The following ZBTB16 variants were observed in gnomAD, a reference collection of about 807,000 sequenced individuals.
The protein encoded by ZBTB16 is zinc finger and BTB domain-containing protein 16.
In ZBTB16, 8 loss-of-function variants were observed where a neutral mutation model predicts 56.8. That is an observed-to-expected ratio of 0.14 (90% CI 0.08 to 0.25). The LOEUF (loss-of-function observed/expected upper bound fraction) is 0.25, where lower values mean the gene tolerates loss of function less well. Among genes scored for constraint, ZBTB16 ranks in the 10% least tolerant of loss-of-function variants. The probability of loss-of-function intolerance (pLI) is 1.00; values close to 1 mark genes in which losing one functional copy is unlikely to be tolerated. For missense variants in ZBTB16, 625 were observed against 903.0 expected (o/e 0.69, Z 3.95); for synonymous variants, 363 against 368.5 (o/e 0.98, Z 0.17).
chr11:114,097,072 T>C (rs1304699908), intron 2 of ZBTB16, among the ~76,000 whole-genome samples: 1 of 152,144 alleles, frequency 6.6e-6, no homozygotes, highest in Admixed American at 6.5e-5. Flanking sequence ...CATGGATAAA[T>C]TGACAAAATG....
intron 2 of ZBTB16, among the ~76,000 whole-genome samples, chr11:114,067,945 A>C (rs1387605553): frequency 6.7e-6 from 1 of 149,220 alleles, no homozygotes; most frequent in Non-Finnish European, 1.5e-5. Flanking sequence ...TTAATGTGCT[A>C]TTCCCTTTTT....
chr11:114,089,880 G>A (rs1229830685), intron 2 of ZBTB16, among the ~76,000 whole-genome samples: 1 of 152,210 alleles, frequency 6.6e-6, no homozygotes, highest in Non-Finnish European at 1.5e-5. Context: ...AGGTTTTATA[G>A]GCATCCAGAT....
intron 6 of ZBTB16, among the ~76,000 whole-genome samples, chr11:114,249,057 C>T (rs186171336): frequency 3.9e-5 from 6 of 152,230 alleles, no homozygotes; most frequent in African/African-American, 7.2e-5. Flanking sequence ...GGGTATAGAA[C>T]GCTAGGGTGT....
Position 114,098,960 on chromosome 11 carries a change from A to G in ZBTB16, c.1268+34392A>G, listed in dbSNP as rs544786500. ...AGCTTCTATGGCACTGCCGAATTCT[A>G]CAGTAAATATTTCGGACATCCTCAG... On this transcript the variant is annotated intron_variant, in intron 2 of 6. Transcript: ENST00000335953. Among the ~76,000 whole-genome samples, 426 of 152,324 alleles carry G rather than the reference A, an allele frequency of 2.8e-3. 1 individual carries two copies. Among genetic ancestry groups the G allele is most frequent in the African/African-American group, 9.8e-3 (409 of 41,574 alleles).
chr11:114,202,794 G>A (rs1943765245), intron 4 of ZBTB16, among the ~76,000 whole-genome samples: 1 of 152,194 alleles, frequency 6.6e-6, no homozygotes, highest in Admixed American at 6.5e-5. Flanking sequence ...AAGTGTGTGT[G>A]TGAGATTGGA....
At chr11:114,227,487 C>T (rs1944352944) in intron 4 of ZBTB16, among the ~76,000 whole-genome samples, 1 of 152,246 alleles carries the variant, frequency 6.6e-6, no homozygotes, top group Non-Finnish European at 1.5e-5. Flanking sequence ...GTCCTTCTCT[C>T]CATCCAATAA....
chr11:114,139,626 C>CGTGTGTGTGT (rs750514241), intron 2 of ZBTB16, among the ~76,000 whole-genome samples: 5,927 of 138,534 alleles, frequency 0.043, 221 homozygotes, highest in African/African-American at 0.082. Flanking sequence ...CCGCGGTCCA[C>CGTGTGTGTGT]GTGTGTGTGT....
intron 4 of ZBTB16, chr11:114,189,804 G>A (rs566697541): frequency 4.6e-5 from 7 of 151,332 alleles, no homozygotes; most frequent in African/African-American, 1.7e-4. Context: ...ATTATCATAC[G>A]ATGCAGCAGT....
intron 2 of ZBTB16, among the ~76,000 whole-genome samples, chr11:114,105,304 G>A (rs947747373): frequency 6.6e-6 from 1 of 151,462 alleles, no homozygotes; most frequent in South Asian, 2.1e-4. Context: ...GCGCTGGCAC[G>A]ATCTCGGCTC....
In ZBTB16 at chr11:114,207,598, C is replaced by G. The variant is rs896836939; in HGVS notation, c.1453+20560C>G. On this transcript the variant is annotated intron_variant, in intron 4 of 6. Transcript: ENST00000335953. ...GCCTGATACACACACACAACACACA[C>G]ACACACACACACACACACACACACA... 1.7e-3 allele frequency among the ~76,000 whole-genome samples: 258 copies of G among 148,076 alleles called. 2 individuals carry two copies. The highest frequency in any genetic ancestry group is 5.8e-3 in the African/African-American group (223 of 38,266).
chr11:114,184,018 T>A (rs1019330507), intron 3 of ZBTB16, among the ~76,000 whole-genome samples: 1 of 152,232 alleles, frequency 6.6e-6, no homozygotes, highest in African/African-American at 2.4e-5. Context: ...TCTCCCTGCC[T>A]CCAGGTGAAA....
intron 2 of ZBTB16, among the ~76,000 whole-genome samples, chr11:114,121,083 A>G (rs1289375639): frequency 6.6e-6 from 1 of 152,210 alleles, no homozygotes; most frequent in Admixed American, 6.5e-5. Flanking sequence ...GACACCATAG[A>G]ATTGTATAGA....
chr11:114,082,733 CGGT>C lies in ZBTB16; in HGVS notation c.1268+18168_1268+18170del, dbSNP rs1939812106. On this transcript the variant is annotated intron_variant, in intron 2 of 6. Transcript: ENST00000335953. ...CATGAAATGGACCCTTGCCACCTCT[CGGT>C]GGGCGGGGAAGCTGGGAGAGGGGCC... Among the ~76,000 whole-genome samples the C allele has an allele frequency of 4.6e-5, 7 of 152,150 alleles. No individual in the cohort carries two copies. The South Asian group carries it at 1.5e-3, about 32-fold the overall frequency.
intron 3 of ZBTB16, among the ~76,000 whole-genome samples, chr11:114,172,849 G>T (rs571294027): frequency 6.6e-6 from 1 of 152,216 alleles, no homozygotes; most frequent in Non-Finnish European, 1.5e-5. Context: ...CAGAAAAGAC[G>T]AGTTTTGTTT....
chr11:114,086,916 T>G (rs1393256995), intron 2 of ZBTB16, among the ~76,000 whole-genome samples: 2 of 152,222 alleles, frequency 1.3e-5, no homozygotes, highest in Non-Finnish European at 2.9e-5. Context: ...AACTAATACT[T>G]TCCCAGACTC....
intron 3 of ZBTB16, among the ~76,000 whole-genome samples, chr11:114,167,232 G>GTTTTTTTTTTTTTTTTTTTTTTTTTTT (rs58946694): frequency 1.1e-4 from 10 of 88,714 alleles, no homozygotes; most frequent in East Asian, 7.0e-4. Context: ...TTTTTTTTTG[G>GTTTTTTTTTTTTTTTTTTTTTTTTTTT]TTTTTTTTTT....
At chr11:114,239,272 C>T (rs923860732) in intron 4 of ZBTB16, among the ~76,000 whole-genome samples, 5 of 152,164 alleles carry the variant, frequency 3.3e-5, no homozygotes, top group African/African-American at 9.7e-5. Flanking sequence ...TCCTTCCATG[C>T]CGGGGATCTC....
chr11:114,062,213 C>G (rs1206220970), intron 1 of ZBTB16, among the ~76,000 whole-genome samples: 3 of 152,008 alleles, frequency 2.0e-5, no homozygotes, highest in African/African-American at 7.2e-5. Context: ...AAGTGATTCT[C>G]CTGCCTCAGC....
In ZBTB16 at chr11:114,063,976, G is replaced by A. The variant is rs1283478855; in HGVS notation, c.676G>A (p.Glu226Lys). 1.2e-6 allele frequency: 2 copies of A among 1,613,616 alleles called. No individual in the cohort carries two copies. Among genetic ancestry groups the A allele is most frequent in the African/African-American group, 2.7e-5 (2 of 74,924 alleles). The change falls in exon 2 of 7, where the codon GAG (glutamate) becomes AAG (lysine). Residue 226 changes from glutamate to lysine, a missense_variant. Physicochemically the swap from Glu to Lys is moderately conservative, Grantham distance 56. Coordinates refer to ENST00000335953, the MANE Select transcript of ZBTB16 (RefSeq NM_006006.6). The surrounding 1 kb of genome is among the most constrained non-coding windows in gnomAD (Gnocchi z 6.5). ...TCTTCAGCCACCTGCAGGGCCCGAG[G>A]AGCCAACTCTGGCTGGGGGTGGGCG... is the stretch of plus-strand genomic sequence containing the variant. ...GTLQPPAGPE[E>K]PTLAGGGRHP...
Sources: gnomAD v4.1 joint callset for allele counts (sites outside exome capture counted in the v4.1 genomes callset) on GRCh38, gnomAD v4.1.1 for gene constraint, Gnocchi (gnomAD v3.1) non-coding constraint, MANE v1.5 for transcripts, NCBI Gene and HGNC (gene_info 2026-07-23, HGNC 2026-07-21) for gene names.